The following SEL1L3 variants were observed in gnomAD, a reference collection of about 807,000 sequenced individuals.
SEL1L3 encodes protein sel-1 homolog 3.
In SEL1L3, 76 loss-of-function variants were observed where a neutral mutation model predicts 142.8. The ratio of observed to expected loss-of-function variants is 0.53; its 90% CI spans 0.44 to 0.64. The LOEUF is 0.64. Ranked by LOEUF, SEL1L3 falls within the 30% of genes least tolerant of loss-of-function variation. SEL1L3 has a pLI of 0.00. For synonymous variants in SEL1L3, 504 were observed against 519.6 expected (o/e 0.97, Z 0.41); for missense variants, 1,262 against 1,381.7 (o/e 0.91, Z 1.37).
chr4:25,835,568 T>G (rs1015817435), intron 2 of SEL1L3, among the ~76,000 whole-genome samples: 1 of 152,242 alleles, frequency 6.6e-6, no homozygotes, highest in South Asian at 2.1e-4. Flanking sequence ...ATTCTACAGA[T>G]GAAAAGCCCG....
At chr4:25,776,206 A>G in intron 17 of SEL1L3, 71 bp downstream of exon 17, 1 of 945,754 alleles carries the variant, frequency 1.1e-6, no homozygotes, top group South Asian at 1.5e-5. Context: ...TTGCATTTTA[A>G]GACTCCATTT....
At chr4:25,729,266 C>T in the SEL1L3 span, among the ~76,000 whole-genome samples, 1 of 152,288 alleles carries the variant, frequency 6.6e-6, no homozygotes, top group Admixed American at 6.5e-5. Context: ...GTCTTTGTTT[C>T]ACCTTTTGAC....
At chr4:25,821,184 A>G (rs1714727595) in intron 7 of SEL1L3, among the ~76,000 whole-genome samples, 1 of 152,212 alleles carries the variant, frequency 6.6e-6, no homozygotes, top group Non-Finnish European at 1.5e-5. Context: ...CCCTTTTCAC[A>G]AAAGTGTCTC....
At chr4:25,811,954 C>T (rs1216594979) in intron 9 of SEL1L3, among the ~76,000 whole-genome samples, 5 of 152,142 alleles carry the variant, frequency 3.3e-5, no homozygotes, top group African/African-American at 9.7e-5. Context: ...AGGATAGGTT[C>T]GCCTGAATAG....
intron 1 of SEL1L3, among the ~76,000 whole-genome samples, chr4:25,857,874 G>T (rs1717377629): frequency 6.6e-6 from 1 of 152,200 alleles, no homozygotes; most frequent in Non-Finnish European, 1.5e-5. Context: ...ATGCCGGCAT[G>T]CCTTGAGTTT....
At position 25,852,961 on chromosome 4, in the gene SEL1L3, A is replaced by G. The variant is rs144263197; in HGVS notation, c.163-5097T>C. Among the ~76,000 whole-genome samples, 37 of 152,352 alleles carry G rather than the reference A, an allele frequency of 2.4e-4. No individual in the cohort carries two copies. The East Asian group carries it at 6.2e-3, about 25-fold the overall frequency. On this transcript the variant is annotated intron_variant, in intron 1 of 23. Transcript: ENST00000399878. ...AGTGCAGTTCATAATAACCGTGTTC[A>G]TTATTTTACATCTTACTGCTAAAAA...
At chr4:25,739,999 T>C in the SEL1L3 span, among the ~76,000 whole-genome samples, 1 of 151,974 alleles carries the variant, frequency 6.6e-6, no homozygotes, top group Non-Finnish European at 1.5e-5. Flanking sequence ...GGTCTCACTA[T>C]GTTGTCCAGG....
intron 20 of SEL1L3, among the ~76,000 whole-genome samples, chr4:25,761,891 C>T (rs1718400263): frequency 6.6e-6 from 1 of 152,154 alleles, no homozygotes; most frequent in African/African-American, 2.4e-5. Context: ...ATGGAAAGCC[C>T]TTTCAGAAAG....
intron 1 of SEL1L3, among the ~76,000 whole-genome samples, chr4:25,850,012 T>C (rs1231355206): frequency 6.6e-6 from 1 of 152,052 alleles, no homozygotes; most frequent in Non-Finnish European, 1.5e-5. Context: ...GTTCTTCACG[T>C]AGAGACACAA....
chr4:25,769,982 G>T (rs746232686), intron 17 of SEL1L3, among the ~76,000 whole-genome samples: 1 of 152,028 alleles, frequency 6.6e-6, no homozygotes, highest in Non-Finnish European at 1.5e-5. Flanking sequence ...AAAAAAATTA[G>T]CTCGGCATGG....
the SEL1L3 span, among the ~76,000 whole-genome samples, chr4:25,731,354 AC>A: frequency 6.6e-6 from 1 of 152,172 alleles, no homozygotes; most frequent in Non-Finnish European, 1.5e-5. Flanking sequence ...GGTACAATTG[AC>A]CCACCATAAG....
In SEL1L3 at chr4:25,788,895, C is replaced by T. The variant is rs1353209896; in HGVS notation, c.2077-531G>A. 6.6e-6 allele frequency among the ~76,000 whole-genome samples: 1 copy of T among 152,078 alleles called. No individual in the cohort carries two copies. Among genetic ancestry groups the T allele is most frequent in the South Asian group, 2.1e-4 (1 of 4,818 alleles). ...ACTTATCTTTGTCCCTGTCTGTTAG[C>T]CCCCCAACCCAGCAGAGCTCAGCAG... On this transcript the variant is annotated intron_variant, in intron 12 of 23. Coordinates refer to ENST00000399878, the MANE Select transcript of SEL1L3 (RefSeq NM_015187.5). This position sits in a 1 kb window ranked among gnomAD's most constrained non-coding sequence, Gnocchi z 5.3.
intron 7 of SEL1L3, among the ~76,000 whole-genome samples, chr4:25,821,512 A>G (rs1218222311): frequency 6.6e-6 from 1 of 152,212 alleles, no homozygotes; most frequent in Non-Finnish European, 1.5e-5. Flanking sequence ...TTCAGCCCTG[A>G]ACACAATGCC....
rs925194484 is a variant in SEL1L3, at chr4:25,776,427, A to G, written c.2586-67T>C. On this transcript the variant is annotated intron_variant, in intron 16 of 23. Transcript: ENST00000399878. ...AATTTAATAAAATGTTTTTCTTCAT[A>G]TGCTCTCAATAAATCCCACTTGGGG... The G allele has an allele frequency of 7.3e-6, 8 of 1,096,836 alleles. No homozygotes were observed. In the African/African-American group the frequency reaches 1.2e-4, roughly 17 times the overall value. 67.9% of individuals were successfully genotyped at this position (1,096,836 alleles called of 1,614,324 possible).
In SEL1L3 at chr4:25,790,440, AGCCTGCGTTTTT is replaced by A. The variant is rs781243736; in HGVS notation, c.2076+3_2076+14del. The stretch of plus-strand genomic sequence containing the variant: ...TGGCTGACAGAATCCCCAAGACAGT[AGCCTGCGTTTTT>A]ACCTGAGCTGCTGCATTGCCTCGGG... On this transcript the variant is annotated splice_donor_5th_base_variant and intron_variant, in intron 12 of 23. Coordinates refer to ENST00000399878, the MANE Select transcript of SEL1L3 (RefSeq NM_015187.5). 2.5e-6 allele frequency: 4 copies of A among 1,613,350 alleles called. No individual in the cohort carries two copies. The East Asian group carries it at 8.9e-5, about 36-fold the overall frequency.
chr4:25,737,760 A>G, the SEL1L3 span, among the ~76,000 whole-genome samples: 1 of 152,208 alleles, frequency 6.6e-6, no homozygotes, highest in Non-Finnish European at 1.5e-5. Flanking sequence ...ATATCCTCCC[A>G]TATACCTTAA....
At chr4:25,838,861 C>T (rs1361835255) in intron 2 of SEL1L3, among the ~76,000 whole-genome samples, 1 of 152,168 alleles carries the variant, frequency 6.6e-6, no homozygotes, top group Non-Finnish European at 1.5e-5. Flanking sequence ...TGATCAGAAC[C>T]CTGACACAGA....
intron 5 of SEL1L3, among the ~76,000 whole-genome samples, chr4:25,832,739 T>C (rs528793219): frequency 1.3e-5 from 2 of 152,366 alleles, no homozygotes; most frequent in East Asian, 3.9e-4. Context: ...AGTATGGCTG[T>C]AGAGCTGCCT....
chr4:25,856,438 T>C (rs557292795), intron 1 of SEL1L3, among the ~76,000 whole-genome samples: 167 of 152,270 alleles, frequency 1.1e-3, no homozygotes, highest in African/African-American at 3.7e-3. Flanking sequence ...CTGATCCATT[T>C]TGCACGCAAC....
Sources: allele counts gnomAD v4.1 joint callset (sites outside exome capture counted in the v4.1 genomes callset), GRCh38; gene constraint gnomAD v4.1.1; non-coding constraint Gnocchi (gnomAD v3.1); transcripts MANE v1.5; gene names NCBI Gene and HGNC (gene_info 2026-07-23, HGNC 2026-07-21).